ERI3: variants seen among roughly 807,000 people sequenced by gnomAD.
The protein encoded by ERI3 is ERI1 exoribonuclease family member 3.
A neutral mutation model predicts 44.4 loss-of-function variants in ERI3; 18 were observed. The ratio of observed to expected loss-of-function variants is 0.41; its 90% confidence interval spans 0.28 to 0.60. The LOEUF (loss-of-function observed/expected upper bound fraction) is 0.60. ERI3 is among the 20% of genes least tolerant of loss of function. ERI3 has a pLI of 0.36. For missense variants in ERI3, 294 were observed against 435.5 expected, an observed-to-expected ratio of 0.68 and a Z score of 2.89; for synonymous variants, 183 against 164.8, an observed-to-expected ratio of 1.11 and a Z score of -0.84.
At chr1:44,229,518 T>C (rs1448960576) in intron 8 of ERI3, among the ~76,000 whole-genome samples, 1 of 152,086 alleles carries the variant, frequency 6.6e-6, no homozygotes, top group African/African-American at 2.4e-5. Flanking sequence ...CCGCCCTGAT[T>C]GGGATCAGAT....
In ERI3 at chr1:44,247,932, G is replaced by A; in HGVS notation, c.931+7C>T. The A allele has an allele frequency of 1.2e-6, 2 of 1,609,000 alleles. No homozygotes were observed. The highest frequency in any genetic ancestry group is 1.7e-4 in the Middle Eastern group (1 of 6,050). ...GAGCTGCCGGGGGAATATGCGAAGG[G>A]ACTGACCAATGCCGCTGTGGGGCCG... On this transcript the variant is annotated splice_region_variant and intron_variant, in intron 8 of 8. Coordinates refer to ENST00000372257, the MANE Select transcript of ERI3 (RefSeq NM_024066.3).
At chr1:44,297,801 G>A (rs1233441987) in intron 6 of ERI3, among the ~76,000 whole-genome samples, 1 of 152,248 alleles carries the variant, frequency 6.6e-6, no homozygotes, top group Non-Finnish European at 1.5e-5. Context: ...CACCTTACAG[G>A]CATGGAAAGT....
intron 8 of ERI3, among the ~76,000 whole-genome samples, chr1:44,244,823 C>A (rs1644519989): frequency 6.6e-6 from 1 of 152,132 alleles, no homozygotes. Context: ...ACACCCGTCA[C>A]CCCAAGTCTG....
chr1:44,232,462 C>A (rs1045413012), intron 8 of ERI3, among the ~76,000 whole-genome samples: 8 of 152,236 alleles, frequency 5.3e-5, no homozygotes, highest in Admixed American at 5.2e-4. Flanking sequence ...CTAAGAAAGG[C>A]ATTCTATGAG....
At chr1:44,331,001 A>AAT (rs371378419) in intron 3 of ERI3, among the ~76,000 whole-genome samples, 3 of 152,256 alleles carry the variant, frequency 2.0e-5, no homozygotes, top group African/African-American at 7.2e-5. Context: ...CTATGGACTT[A>AAT]ACCTAAACAC....
intron 7 of ERI3, among the ~76,000 whole-genome samples, chr1:44,271,659 A>G (rs1645090287): frequency 6.6e-6 from 1 of 152,212 alleles, no homozygotes; most frequent in African/African-American, 2.4e-5. Context: ...AATTCATATA[A>G]AGCATTTAGA....
chr1:44,261,301 C>T (rs1217114480), intron 7 of ERI3, among the ~76,000 whole-genome samples: 2 of 152,230 alleles, frequency 1.3e-5, no homozygotes, highest in African/African-American at 4.8e-5. Flanking sequence ...GAGGAAGGCG[C>T]GAGTCAGTCT....
chr1:44,318,104 C>T (rs1646128531), intron 4 of ERI3, among the ~76,000 whole-genome samples: 1 of 152,192 alleles, frequency 6.6e-6, no homozygotes, highest in African/African-American at 2.4e-5. Flanking sequence ...ACAATCCCTC[C>T]TCCCATTCCC....
intron 3 of ERI3, among the ~76,000 whole-genome samples, chr1:44,321,321 C>T (rs1646198418): frequency 6.6e-6 from 1 of 152,034 alleles, no homozygotes; most frequent in Non-Finnish European, 1.5e-5. Flanking sequence ...GAGCTTATTC[C>T]CAGAGATAGA....
intron 4 of ERI3, among the ~76,000 whole-genome samples, chr1:44,319,097 G>A (rs2154329038): frequency 6.6e-6 from 1 of 152,334 alleles, no homozygotes; most frequent in Non-Finnish European, 1.5e-5. Context: ...ACCCACCTAG[G>A]ATAAGCAGAT....
chr1:44,275,131 C>T (rs1401088261), intron 7 of ERI3, among the ~76,000 whole-genome samples: 1 of 152,206 alleles, frequency 6.6e-6, no homozygotes, highest in Non-Finnish European at 1.5e-5. Flanking sequence ...GAGCCCCTAG[C>T]TATTCATACC....
At chr1:44,291,572 C>T (rs1262741955) in intron 6 of ERI3, among the ~76,000 whole-genome samples, 3 of 152,074 alleles carry the variant, frequency 2.0e-5, no homozygotes, top group Admixed American at 6.5e-5. Context: ...AGAGTGCTGG[C>T]GAGGGCTGGG....
intron 8 of ERI3, among the ~76,000 whole-genome samples, chr1:44,239,665 T>C (rs1325062026): frequency 6.6e-6 from 1 of 152,202 alleles, no homozygotes; most frequent in African/African-American, 2.4e-5. Context: ...CCTGGGGGCC[T>C]GGGGTGCCCC....
chr1:44,250,840 C>A (rs1340526376), intron 7 of ERI3, among the ~76,000 whole-genome samples: 1 of 152,164 alleles, frequency 6.6e-6, no homozygotes, highest in Non-Finnish European at 1.5e-5. Flanking sequence ...CTTCACATAC[C>A]AGCCAAAGTC....
intron 7 of ERI3, among the ~76,000 whole-genome samples, chr1:44,274,302 T>C (rs909538064): frequency 1.3e-5 from 2 of 152,240 alleles, no homozygotes; most frequent in African/African-American, 2.4e-5. Flanking sequence ...GCGCGCTTTA[T>C]GGGCTAGTCA....
intron 6 of ERI3, among the ~76,000 whole-genome samples, chr1:44,307,758 G>T (rs1220865296): frequency 6.6e-6 from 1 of 152,204 alleles, no homozygotes; most frequent in Non-Finnish European, 1.5e-5. Context: ...TGGGCTCCCA[G>T]TTGGTTCACC....
intron 8 of ERI3, among the ~76,000 whole-genome samples, chr1:44,239,440 G>A (rs1230061567): frequency 6.6e-6 from 1 of 152,222 alleles, no homozygotes; most frequent in Non-Finnish European, 1.5e-5. Flanking sequence ...CCCAGGCCAG[G>A]ATAGAAAAGA....
chr1:44,244,440 C>G (rs1644509372), intron 8 of ERI3, among the ~76,000 whole-genome samples: 1 of 152,178 alleles, frequency 6.6e-6, no homozygotes, highest in African/African-American at 2.4e-5. Flanking sequence ...CAGGGCCAAG[C>G]CCACAACTCC....
At chr1:44,250,625 G>A (rs1644657947) in intron 7 of ERI3, among the ~76,000 whole-genome samples, 1 of 152,140 alleles carries the variant, frequency 6.6e-6, no homozygotes, top group Non-Finnish European at 1.5e-5. Flanking sequence ...ATGAATTGGC[G>A]TCTCCACTGC....
Sources: allele counts gnomAD v4.1 joint callset (sites outside exome capture counted in the v4.1 genomes callset), GRCh38; gene constraint gnomAD v4.1.1; transcripts MANE v1.5; gene names NCBI Gene and HGNC (gene_info 2026-07-23, HGNC 2026-07-21).